The following TCF12 variants were observed in gnomAD, a reference collection of about 807,000 sequenced individuals.
TCF12 encodes transcription factor 12.
In TCF12, 45 loss-of-function variants were observed where a neutral mutation model predicts 86.0. The observed-to-expected ratio is 0.52, with a 90% CI of 0.41 to 0.67. The LOEUF (loss-of-function observed/expected upper bound fraction) is 0.67. Ranked by LOEUF, TCF12 falls within the 30% of genes least tolerant of loss-of-function variation. The probability of loss-of-function intolerance (pLI) is 0.00; values close to 1 mark genes in which losing one functional copy is unlikely to be tolerated. For missense variants in TCF12, 881 were observed against 859.9 expected (o/e 1.02, Z -0.31); for synonymous variants, 330 against 299.6 (o/e 1.10, Z -1.05).
chr15:56,950,099 C>T (rs1176301753), intron 3 of TCF12, among the ~76,000 whole-genome samples: 1 of 152,190 alleles, frequency 6.6e-6, no homozygotes, highest in Non-Finnish European at 1.5e-5. Context: ...TTCTCAAGAG[C>T]TTCTCCTGTG....
At chr15:57,244,769 G>A (rs1566976256) in intron 13 of TCF12, among the ~76,000 whole-genome samples, 1 of 148,472 alleles carries the variant, frequency 6.7e-6, no homozygotes, top group South Asian at 2.1e-4. Context: ...CGGCCCACAT[G>A]TTTTTTTTTT....
At chr15:57,166,874 A>C (rs553846282) in intron 6 of TCF12, among the ~76,000 whole-genome samples, 1 of 152,308 alleles carries the variant, frequency 6.6e-6, no homozygotes, top group South Asian at 2.1e-4. Context: ...TCCTGCATGT[A>C]ACCAATTTTT....
At chr15:56,920,954 T>C (rs1472506597) in intron 2 of TCF12, 72 bp from the exon 3 acceptor site, 2 of 1,214,184 alleles carry the variant, frequency 1.6e-6, no homozygotes, top group East Asian at 5.3e-5. Context: ...TGGATGACTT[T>C]TGGTGGACTT....
At chr15:57,283,335 C>G (rs567930292) in intron 20 of TCF12, among the ~76,000 whole-genome samples, 1 of 152,090 alleles carries the variant, frequency 6.6e-6, no homozygotes, top group South Asian at 2.1e-4. Flanking sequence ...TCTCAGCTAA[C>G]TGCAGTCTCT....
intron 6 of TCF12, among the ~76,000 whole-genome samples, chr15:57,186,624 G>A (rs2056681162): frequency 6.6e-6 from 1 of 152,162 alleles, no homozygotes. Context: ...GCATAATTCT[G>A]ATACCAAAGT....
At chr15:57,010,489 G>GA (rs1357797912) in intron 3 of TCF12, among the ~76,000 whole-genome samples, 1 of 152,026 alleles carries the variant, frequency 6.6e-6, no homozygotes, top group Non-Finnish European at 1.5e-5. Context: ...ACAAAGAGTA[G>GA]AAAAAAGGGA....
chr15:57,263,797 T>G (rs2060703083), intron 18 of TCF12, among the ~76,000 whole-genome samples: 1 of 152,164 alleles, frequency 6.6e-6, no homozygotes, highest in Non-Finnish European at 1.5e-5. Context: ...TGTAGGCAAT[T>G]GTAACACAAT....
intron 5 of TCF12, among the ~76,000 whole-genome samples, chr15:57,138,111 C>T (rs1459247547): frequency 6.6e-6 from 1 of 152,130 alleles, no homozygotes; most frequent in African/African-American, 2.4e-5. Context: ...AGCCAGTTCT[C>T]TCCTTGGTAG....
At chr15:57,113,491 A>T (rs2151245966) in intron 5 of TCF12, among the ~76,000 whole-genome samples, 1 of 152,246 alleles carries the variant, frequency 6.6e-6, no homozygotes, top group East Asian at 1.9e-4. Context: ...AACATTCAGT[A>T]AATTAGCATT....
At chr15:57,265,642 A>T (rs559193588) in intron 18 of TCF12, among the ~76,000 whole-genome samples, 1 of 152,316 alleles carries the variant, frequency 6.6e-6, no homozygotes, top group Admixed American at 6.5e-5. Context: ...TGTCACCAGA[A>T]ATGTACTGTA....
intron 4 of TCF12, among the ~76,000 whole-genome samples, chr15:57,085,455 A>G (rs1201707597): frequency 1.3e-5 from 2 of 152,222 alleles, no homozygotes; most frequent in Admixed American, 1.3e-4. Context: ...GTCACCTACT[A>G]CATGCCCGTT....
chr15:57,135,507 AC>A (rs1437714167), intron 5 of TCF12, among the ~76,000 whole-genome samples: 12 of 152,182 alleles, frequency 7.9e-5, no homozygotes, highest in Admixed American at 4.6e-4. Context: ...GTCTGTATCA[AC>A]CTTAAAGGTG....
chr15:57,129,836 A>G (rs769510544), intron 5 of TCF12: 1 of 152,234 alleles, frequency 6.6e-6, no homozygotes, highest in African/African-American at 2.4e-5. Context: ...GTAATTCACC[A>G]GGGTTCATCT....
At chr15:57,092,313 G>C (rs913655375) in intron 5 of TCF12, among the ~76,000 whole-genome samples, 17 of 152,118 alleles carry the variant, frequency 1.1e-4, no homozygotes, top group African/African-American at 4.1e-4. Flanking sequence ...ATTTCTCCTG[G>C]CACAATTTGA....
intron 7 of TCF12, among the ~76,000 whole-genome samples, chr15:57,195,211 G>A (rs1199932056): frequency 6.6e-6 from 1 of 152,054 alleles, no homozygotes; most frequent in Non-Finnish European, 1.5e-5. Flanking sequence ...CCATCTCTTA[G>A]CTATTATATT....
intron 5 of TCF12, among the ~76,000 whole-genome samples, chr15:57,163,341 G>T (rs1011719310): frequency 6.6e-6 from 1 of 152,060 alleles, no homozygotes; most frequent in Non-Finnish European, 1.5e-5. Flanking sequence ...ACTAATTGAC[G>T]TAGAAGTTTT....
intron 6 of TCF12, among the ~76,000 whole-genome samples, chr15:57,179,497 T>C (rs1358348893): frequency 6.6e-6 from 1 of 152,120 alleles, no homozygotes; most frequent in Admixed American, 6.5e-5. Context: ...GCCATTGCAC[T>C]CCATCCTGGG....
At chr15:57,012,895 A>G (rs2064918551) in intron 3 of TCF12, among the ~76,000 whole-genome samples, 1 of 152,076 alleles carries the variant, frequency 6.6e-6, no homozygotes, top group African/African-American at 2.4e-5. Flanking sequence ...TGCTTCAGGG[A>G]TCAGTTATAT....
At chr15:57,066,594 T>C (rs1005645456) in intron 4 of TCF12, among the ~76,000 whole-genome samples, 9 of 152,152 alleles carry the variant, frequency 5.9e-5, no homozygotes, top group African/African-American at 1.9e-4. Context: ...TTTTATAACA[T>C]TTGAAAATGC....
Sources: allele counts gnomAD v4.1 joint callset (sites outside exome capture counted in the v4.1 genomes callset), GRCh38; gene constraint gnomAD v4.1.1; transcripts MANE v1.5; gene names NCBI Gene and HGNC (gene_info 2026-07-23, HGNC 2026-07-21).